Variants in ZAP70 observed in about 807,000 individuals in gnomAD.
ZAP70 encodes the protein zeta chain of T cell receptor associated protein kinase 70.
A neutral mutation model predicts 65.8 loss-of-function variants in ZAP70; 27 were observed. The observed-to-expected ratio is 0.41, with a 90% confidence interval of 0.30 to 0.57. The LOEUF (loss-of-function observed/expected upper bound fraction) is 0.57, where lower values mean the gene tolerates loss of function less well. ZAP70 is among the 20% of genes least tolerant of loss of function. The pLI is 0.28. For missense variants in ZAP70, 696 were observed against 870.5 expected, an observed-to-expected ratio of 0.80 and a Z score of 2.52; for synonymous variants, 363 against 360.8, an observed-to-expected ratio of 1.01 and a Z score of -0.07.
intron 4 of ZAP70, 80 bp downstream of exon 4, chr2:97,725,332 T>C: frequency 6.4e-7 from 1 of 1,565,740 alleles, no homozygotes; most frequent in Non-Finnish European, 8.7e-7. Flanking sequence ...CAGACGTGAG[T>C]GTGCAGTTGG....
the ZAP70 span, among the ~76,000 whole-genome samples, chr2:97,754,165 C>T: frequency 2.0e-5 from 3 of 152,142 alleles, no homozygotes; most frequent in African/African-American, 7.2e-5. Context: ...CACTCAAATA[C>T]CTACCCTTAG....
the ZAP70 span, among the ~76,000 whole-genome samples, chr2:97,754,555 A>C: frequency 5.3e-5 from 8 of 151,958 alleles, no homozygotes; most frequent in South Asian, 1.2e-3. Context: ...GATGCACAGC[A>C]CCACCCCCAG....
At position 97,731,051 on chromosome 2, in the gene ZAP70, T is replaced by A. The variant is rs1229952037; in HGVS notation, c.564-1832T>A. On this transcript the variant is annotated intron_variant, in intron 4 of 13. Transcript: ENST00000264972. This position sits in a 1 kb window ranked among gnomAD's most constrained non-coding sequence, Gnocchi z 4.0. ...GCCCGGGCTGTGGAGCGAGACTCGG[T>A]CTCAAAAAAAAAAAAAAAAAAAAAG... Among the ~76,000 whole-genome samples the A allele has an allele frequency of 4.0e-5, 5 of 125,646 alleles. No individual in the cohort carries two copies. Among genetic ancestry groups the A allele is most frequent in the Non-Finnish European group, 8.1e-5 (5 of 61,906 alleles). 82.4% of individuals were successfully genotyped at this position (125,646 alleles called of 152,430 possible). A position where few individuals can be genotyped will look rare whatever the true frequency, so the allele number is the denominator to read the frequency against.
rs1193503948 is a variant in ZAP70 at position 97,736,025 on chromosome 2, A to G, written c.1289+569A>G. 6.6e-6 allele frequency among the ~76,000 whole-genome samples: 1 copy of G among 151,834 alleles called. No individual in the cohort carries two copies. The highest frequency in any genetic ancestry group is 3.2e-3 in the Middle Eastern group (1 of 316). ...CCATCTCAAAAAAATAAATAAATAA[A>G]AATAAATAAAGGGCACTGCTAGTAA... On this transcript the variant is annotated intron_variant, in intron 10 of 13. Coordinates refer to ENST00000264972, the MANE Select transcript of ZAP70 (RefSeq NM_001079.4). This position sits in a 1 kb window ranked among gnomAD's most constrained non-coding sequence, Gnocchi z 4.0.
Position 97,739,783 on chromosome 2 carries a change from CT to C in ZAP70, c.*286del, listed in dbSNP as rs1327033649. 1 of 482,820 alleles carries C rather than the reference CT, an allele frequency of 2.1e-6. No individual in the cohort carries two copies. The highest frequency in any genetic ancestry group is 3.7e-6 in the Non-Finnish European group (1 of 268,210). 29.9% of individuals were successfully genotyped at this position (482,820 alleles called of 1,614,324 possible). ...GCATTGCTTACACGGATGCCTTCCC[CT>C]GGGCCCTGACATTGGAGCCTGGGCA... On this transcript the variant is annotated 3_prime_UTR_variant, in exon 14 of 14. Transcript: ENST00000264972.
Position 97,715,351 on chromosome 2 carries a change from G to A in ZAP70, c.-22+1357G>A, listed in dbSNP as rs1381837321. 6.6e-6 allele frequency among the ~76,000 whole-genome samples: 1 copy of A among 152,184 alleles called. No homozygotes were observed. Among genetic ancestry groups the A allele is most frequent in the Non-Finnish European group, 1.5e-5 (1 of 68,028 alleles). On this transcript the variant is annotated intron_variant, in intron 2 of 13. Transcript: ENST00000264972. This position sits in a 1 kb window ranked among gnomAD's most constrained non-coding sequence, Gnocchi z 4.1. ...AGGAATCCTGTGAACAGCCTACAAGGCCCAGGACAGTCCCACCCTGTTCCA... is the reference window on the plus strand; with the variant it reads ...AGGAATCCTGTGAACAGCCTACAAGACCCAGGACAGTCCCACCCTGTTCCA...
rs1311777353 is a variant in ZAP70, at chr2:97,715,412, C to CGA, written c.-22+1419_-22+1420insAG. On this transcript the variant is annotated intron_variant, in intron 2 of 13. Transcript: ENST00000264972. This position sits in a 1 kb window ranked among gnomAD's most constrained non-coding sequence, Gnocchi z 4.1. The stretch of plus-strand genomic sequence containing the variant: ...CAGCCCCTATCCTCCTGACTCACAC[C>CGA]GCCTTTTCCCATCTCCCTTTTACAG... Among the ~76,000 whole-genome samples, 1 of 152,206 alleles carries CGA rather than the reference C, an allele frequency of 6.6e-6. No homozygotes were observed. The highest frequency in any genetic ancestry group is 2.4e-5 in the African/African-American group (1 of 41,450).
At chr2:97,754,709 T>TAA in the ZAP70 span, among the ~76,000 whole-genome samples, 1 of 152,184 alleles carries the variant, frequency 6.6e-6, no homozygotes, top group Non-Finnish European at 1.5e-5. Flanking sequence ...GGCCCAGTTT[T>TAA]TCTTTGGTTT....
chr2:97,724,934 A>C, intron 3 of ZAP70, 158 bp from the exon 4 acceptor site: 1 of 1,534,238 alleles, frequency 6.5e-7, no homozygotes, highest in Non-Finnish European at 8.7e-7. Context: ...GGAGGGGACC[A>C]CGGAGATGGC....
chr2:97,732,870 C>T lies in ZAP70; in HGVS notation c.564-13C>T, dbSNP rs771346137. 6 of 1,613,656 alleles carry T rather than the reference C, an allele frequency of 3.7e-6. No homozygotes were observed. In the Admixed American group the frequency reaches 5.0e-5, roughly 13 times the overall value. ...TGGCTCTAGGGGTTACATCCCCTCC[C>T]TTCCCCTGCCAGGCTGAGGCCGCGG... On this transcript the variant is annotated splice_polypyrimidine_tract_variant and intron_variant, in intron 4 of 13. Coordinates refer to ENST00000264972, the MANE Select transcript of ZAP70 (RefSeq NM_001079.4).
the ZAP70 span, among the ~76,000 whole-genome samples, chr2:97,754,769 T>C: frequency 6.6e-6 from 1 of 152,196 alleles, no homozygotes; most frequent in Non-Finnish European, 1.5e-5. Context: ...TTACACGTCA[T>C]TATCTGCTTT....
rs1007719722 is a variant in ZAP70 at position 97,737,119 on chromosome 2, AC to A, written c.1290-353del. On this transcript the variant is annotated intron_variant, in intron 10 of 13. Coordinates refer to ENST00000264972, the MANE Select transcript of ZAP70 (RefSeq NM_001079.4). The surrounding 1 kb of genome is among the most constrained non-coding windows in gnomAD (Gnocchi z 5.0). ...AGAGAAAGAGGAGCTGCTGGAGAGG[AC>A]AGTGGAGGAGCCATATGTGTGTGCA... Among the ~76,000 whole-genome samples, 22 of 152,078 alleles carry A rather than the reference AC, an allele frequency of 1.4e-4. No homozygotes were observed. Among genetic ancestry groups the A allele is most frequent in the African/African-American group, 5.1e-4 (21 of 41,394 alleles).
chr2:97,745,564 T>G, the ZAP70 span, among the ~76,000 whole-genome samples: 1 of 152,180 alleles, frequency 6.6e-6, no homozygotes, highest in African/African-American at 2.4e-5. Flanking sequence ...ACACATGAAA[T>G]GTGAACTTCA....
At chr2:97,718,149 C>T (rs572013447) in intron 2 of ZAP70, among the ~76,000 whole-genome samples, 10 of 152,180 alleles carry the variant, frequency 6.6e-5, no homozygotes, top group Admixed American at 6.5e-5. Flanking sequence ...TCCTGTCCGT[C>T]GGGATGGCCC....
chr2:97,721,138 T>C (rs140837350), intron 2 of ZAP70, among the ~76,000 whole-genome samples: 1 of 152,282 alleles, frequency 6.6e-6, no homozygotes, highest in Non-Finnish European at 1.5e-5. Flanking sequence ...ATGCAGAAAA[T>C]AGAAAGAATT....
chr2:97,724,970 C>T, intron 3 of ZAP70, 122 bp from the exon 4 acceptor site: 1 of 1,543,140 alleles, frequency 6.5e-7, no homozygotes, highest in Non-Finnish European at 8.7e-7. Context: ...GAAAACCTGC[C>T]TAACACGCGC....
At chr2:97,753,695 G>A in the ZAP70 span, among the ~76,000 whole-genome samples, 20 of 152,074 alleles carry the variant, frequency 1.3e-4, no homozygotes, top group Non-Finnish European at 2.5e-4. Context: ...AAGATACCTG[G>A]GCATAGCAGC....
At chr2:97,728,991 G>A (rs979312326) in intron 4 of ZAP70, among the ~76,000 whole-genome samples, 1 of 152,240 alleles carries the variant, frequency 6.6e-6, no homozygotes, top group African/African-American at 2.4e-5. Flanking sequence ...GACCTCAGGT[G>A]ATCCACCCGC....
rs142407140 is a variant in ZAP70, at chr2:97,718,416, A to T, written c.-22+4422A>T. 3.3e-3 allele frequency among the ~76,000 whole-genome samples: 501 copies of T among 152,190 alleles called. 1 individual carries two copies. Among genetic ancestry groups the T allele is most frequent in the African/African-American group, 0.012 (483 of 41,542 alleles). ...GCCCACCTTCTCTGGCCTCCCCAGC[A>T]TCTCTGGCCATGGGGTCCCTGGGAA... On this transcript the variant is annotated intron_variant, in intron 2 of 13. Coordinates refer to ENST00000264972, the MANE Select transcript of ZAP70 (RefSeq NM_001079.4).
Sources: gnomAD v4.1 joint callset for allele counts (sites outside exome capture counted in the v4.1 genomes callset) on GRCh38, gnomAD v4.1.1 for gene constraint, Gnocchi (gnomAD v3.1) non-coding constraint, MANE v1.5 for transcripts, NCBI Gene and HGNC (gene_info 2026-07-23, HGNC 2026-07-21) for gene names.